The following EYA3 variants were observed in gnomAD, a reference collection of about 807,000 sequenced individuals.
EYA3 encodes EYA transcriptional coactivator and phosphatase 3, also known as protein phosphatase EYA3.
In EYA3, 39 loss-of-function variants were observed where a neutral mutation model predicts 80.0. The ratio of observed to expected loss-of-function variants is 0.49; its 90% CI spans 0.38 to 0.64. EYA3 has a LOEUF of 0.64. Among genes scored for constraint, EYA3 ranks in the 30% least tolerant of loss-of-function variants. The pLI, the probability that EYA3 is intolerant of heterozygous loss-of-function variation, is 0.00. For missense variants in EYA3, 523 were observed against 676.1 expected (o/e 0.77, Z 2.51); for synonymous variants, 206 against 232.8 (o/e 0.88, Z 1.05).
At chr1:28,036,780 G>A (rs912084556) in intron 5 of EYA3, among the ~76,000 whole-genome samples, 1 of 152,030 alleles carries the variant, frequency 6.6e-6, no homozygotes, top group Admixed American at 6.6e-5. Flanking sequence ...GTATATATAA[G>A]TAAAAAAGAA....
At position 28,038,569 on chromosome 1, in the gene EYA3, T is replaced by C. The variant is rs572660988; in HGVS notation, c.224+270A>G. 2.6e-5 allele frequency among the ~76,000 whole-genome samples: 4 copies of C among 152,048 alleles called. No individual in the cohort carries two copies. The South Asian group carries it at 6.2e-4, about 24-fold the overall frequency. On this transcript the variant is annotated intron_variant, in intron 5 of 17. Coordinates refer to ENST00000373871, the MANE Select transcript of EYA3 (RefSeq NM_001990.4). ...AATGATCAGAGGTCAATCAATGATATGGTTGATCACTAACACTATTTTGCA... is the reference window on the plus strand; with the variant it reads ...AATGATCAGAGGTCAATCAATGATACGGTTGATCACTAACACTATTTTGCA...
intron 1 of EYA3, among the ~76,000 whole-genome samples, chr1:28,059,639 T>C (rs919472689): frequency 6.6e-6 from 1 of 152,152 alleles, no homozygotes; most frequent in African/African-American, 2.4e-5. Context: ...ACATATATTA[T>C]TTCATCCCAT....
rs556685200 is a variant in EYA3 at position 27,995,240 on chromosome 1, TA to T, written c.1143-1681del. 7.6e-3 allele frequency among the ~76,000 whole-genome samples: 1,044 copies of T among 137,674 alleles called. 9 individuals are homozygous for T. The highest frequency in any genetic ancestry group is 0.018 in the African/African-American group (680 of 37,500). 90.3% of individuals were successfully genotyped at this position (137,674 alleles called of 152,430 possible). On this transcript the variant is annotated intron_variant, in intron 13 of 17. Coordinates refer to ENST00000373871, the MANE Select transcript of EYA3 (RefSeq NM_001990.4). ...GGCAACACAGGGAGACCCCCATCTC[TA>T]AAAAAAAAAAAAATGGAAATATTAG...
chr1:28,075,077 T>C (rs1645155434), intron 1 of EYA3, among the ~76,000 whole-genome samples: 3 of 152,182 alleles, frequency 2.0e-5, no homozygotes, highest in Admixed American at 2.0e-4. Context: ...ACCTTTCACA[T>C]TCAGCCAAGC....
chr1:28,022,218 G>A (rs1273758724), intron 7 of EYA3, among the ~76,000 whole-genome samples: 4 of 151,854 alleles, frequency 2.6e-5, no homozygotes, highest in East Asian at 1.9e-4. Context: ...GCGCGATCTC[G>A]ACTCACTGCA....
At chr1:28,066,983 G>A (rs1341449015) in intron 1 of EYA3, among the ~76,000 whole-genome samples, 2 of 151,874 alleles carry the variant, frequency 1.3e-5, no homozygotes, top group African/African-American at 4.8e-5. Context: ...CTTAAGATAC[G>A]ACTTCATACA....
intron 17 of EYA3, among the ~76,000 whole-genome samples, 194 bp downstream of exon 17, chr1:27,978,180 G>A (rs1379898496): frequency 6.6e-6 from 1 of 151,826 alleles, no homozygotes; most frequent in Non-Finnish European, 1.5e-5. Context: ...AGGAAGGGAT[G>A]GATCTAAAAA....
rs1249572966 is a variant in EYA3, at chr1:27,972,016, A to G, written c.*2450T>C. On this transcript the variant is annotated 3_prime_UTR_variant, in exon 18 of 18. Transcript: ENST00000373871. ...AGCTAAGCTAGGAAGTCAGAGTAAG[A>G]GGAAAAAGGCCAATGATAAAAGTGA... The G allele has an allele frequency of 6.6e-6, 1 of 152,254 alleles. No homozygotes were observed. Among genetic ancestry groups the G allele is most frequent in the Non-Finnish European group, 1.5e-5 (1 of 68,066 alleles). The allele number at this position is 152,254 out of a possible 1,614,324, so 9.4% of individuals were successfully genotyped here. A position where few individuals can be genotyped will look rare whatever the true frequency, so the allele number is the denominator to read the frequency against.
chr1:28,054,392 T>G (rs1644369755), intron 2 of EYA3, among the ~76,000 whole-genome samples: 3 of 152,206 alleles, frequency 2.0e-5, no homozygotes, highest in Non-Finnish European at 4.4e-5. Flanking sequence ...AGAAGAGTAA[T>G]CTACAAAATG....
At chr1:27,986,227 TG>T (rs1400823700) in intron 16 of EYA3, among the ~76,000 whole-genome samples, 2 of 151,526 alleles carry the variant, frequency 1.3e-5, no homozygotes, top group Non-Finnish European at 2.9e-5. Flanking sequence ...TAGCTGGGCA[TG>T]GTGGTGCATG....
At chr1:28,044,422 A>G (rs977520669) in intron 3 of EYA3, among the ~76,000 whole-genome samples, 7 of 152,214 alleles carry the variant, frequency 4.6e-5, no homozygotes, top group Non-Finnish European at 1.0e-4. Context: ...CAAAGCTAGA[A>G]CACAGTAAGC....
chr1:28,040,519 C>T (rs527813819), intron 4 of EYA3, among the ~76,000 whole-genome samples: 2 of 152,168 alleles, frequency 1.3e-5, no homozygotes, highest in East Asian at 1.9e-4. Context: ...TGTAATGGAT[C>T]GGAGAATCCC....
In EYA3 at chr1:27,973,973, A is replaced by G. The variant is rs553298035; in HGVS notation, c.*493T>C. The G allele has an allele frequency of 6.6e-6, 1 of 152,658 alleles. No homozygotes were observed. Among genetic ancestry groups the G allele is most frequent in the East Asian group, 1.9e-4 (1 of 5,188 alleles). The allele number at this position is 152,658 out of a possible 1,614,324, so 9.5% of individuals were successfully genotyped here. On this transcript the variant is annotated 3_prime_UTR_variant, in exon 18 of 18. Transcript: ENST00000373871. ...AGATGTTATCATAAAAGTCTGCTGC[A>G]TTTATCTGATCACCACAAGTTATCA...
chr1:28,007,107 AT>A (rs939238487), intron 10 of EYA3, among the ~76,000 whole-genome samples: 4 of 150,156 alleles, frequency 2.7e-5, no homozygotes, highest in Non-Finnish European at 4.4e-5. Context: ...GGTCCGGCTA[AT>A]TTTTTTTTAT....
chr1:28,059,973 C>T (rs1447606001), intron 1 of EYA3, among the ~76,000 whole-genome samples: 1 of 152,078 alleles, frequency 6.6e-6, no homozygotes, highest in Admixed American at 6.5e-5. Context: ...CCTGCCTCAG[C>T]CTCCCAAAGT....
chr1:28,041,695 C>T (rs941202550), intron 4 of EYA3, among the ~76,000 whole-genome samples: 11 of 151,894 alleles, frequency 7.2e-5, no homozygotes, highest in African/African-American at 2.2e-4. Flanking sequence ...TTTTTTGTAG[C>T]GAGGAGGTCT....
In EYA3 at chr1:28,069,647, G is replaced by A. The variant is rs141039541; in HGVS notation, c.-68-11553C>T. Reference sequence around the variant, plus strand: ...GAGGAGAAGGAAGGAAGGGAAAGAGGGGGTAGAAGAGGAAGAGAGGAGGGG... The same window carrying A: ...GAGGAGAAGGAAGGAAGGGAAAGAGAGGGTAGAAGAGGAAGAGAGGAGGGG... On this transcript the variant is annotated intron_variant, in intron 1 of 17. Coordinates refer to ENST00000373871, the MANE Select transcript of EYA3 (RefSeq NM_001990.4). Among the ~76,000 whole-genome samples the A allele has an allele frequency of 6.9e-3, 1,032 of 150,070 alleles. 5 individuals carry two copies. The highest frequency in any genetic ancestry group is 0.01 in the Non-Finnish European group (706 of 67,490).
chr1:28,011,141 G>GA, intron 9 of EYA3, 55 bp from the exon 10 acceptor site: 2 of 1,574,546 alleles, frequency 1.3e-6, no homozygotes, highest in South Asian at 2.3e-5. Flanking sequence ...ATAAGAATCA[G>GA]GGCAGGAAGA....
At chr1:28,070,366 C>T (rs1417890087) in intron 1 of EYA3, among the ~76,000 whole-genome samples, 1 of 152,054 alleles carries the variant, frequency 6.6e-6, no homozygotes, top group Non-Finnish European at 1.5e-5. Context: ...TCGAGACCAG[C>T]CTGGCCAACA....
Sources: allele counts gnomAD v4.1 joint callset (sites outside exome capture counted in the v4.1 genomes callset), GRCh38; gene constraint gnomAD v4.1.1; transcripts MANE v1.5; gene names NCBI Gene and HGNC (gene_info 2026-07-23, HGNC 2026-07-21).